Variants in SAMD3 observed in about 807,000 individuals in gnomAD.
SAMD3 encodes sterile alpha motif domain containing 3.
In SAMD3, 63 loss-of-function variants were observed where a neutral mutation model predicts 58.5. That is an observed-to-expected ratio of 1.08 (90% CI 0.88 to 1.33). The LOEUF (loss-of-function observed/expected upper bound fraction) is 1.33, where lower values mean the gene tolerates loss of function less well. SAMD3 is among the 40% of genes most tolerant of loss of function. The pLI is 0.00. For synonymous variants in SAMD3, 220 were observed against 210.3 expected, an observed-to-expected ratio of 1.05 and a Z score of -0.40; for missense variants, 604 against 608.4, an observed-to-expected ratio of 0.99 and a Z score of 0.08.
chr6:130,253,044 T>C (rs908010812), intron 2 of SAMD3, among the ~76,000 whole-genome samples: 2 of 152,232 alleles, frequency 1.3e-5, no homozygotes, highest in African/African-American at 4.8e-5. Flanking sequence ...TCCATGCCTC[T>C]GCAGGATTCT....
At chr6:130,307,787 C>T (rs148569817) in intron 2 of SAMD3, among the ~76,000 whole-genome samples, 60 of 152,242 alleles carry the variant, frequency 3.9e-4, no homozygotes, top group African/African-American at 1.4e-3. Flanking sequence ...TCATTATAAT[C>T]AATGTTTTTG....
intron 5 of SAMD3, among the ~76,000 whole-genome samples, chr6:130,186,807 G>T: frequency 8.3e-6 from 1 of 120,570 alleles, no homozygotes. Context: ...GTCTTGCTCT[G>T]TCACCCAGGC....
At chr6:130,232,688 C>T (rs73614582) in intron 2 of SAMD3, among the ~76,000 whole-genome samples, 2,866 of 152,034 alleles carry the variant, frequency 0.019, 78 homozygotes, top group African/African-American at 0.065. Flanking sequence ...TCCTCATCTG[C>T]GAAAAGAAAG....
chr6:130,166,934 T>C (rs1285101579), intron 8 of SAMD3, among the ~76,000 whole-genome samples: 1 of 152,212 alleles, frequency 6.6e-6, no homozygotes, highest in Non-Finnish European at 1.5e-5. Flanking sequence ...TAGCAAAGTC[T>C]TTCTGAAGAG....
intron 1 of SAMD3, among the ~76,000 whole-genome samples, chr6:130,322,220 G>T (rs560613978): frequency 5.3e-4 from 80 of 152,284 alleles, no homozygotes; most frequent in Non-Finnish European, 1.0e-3. Flanking sequence ...GGCGGAATCT[G>T]GTTCTTGGTT....
intron 2 of SAMD3, among the ~76,000 whole-genome samples, chr6:130,260,439 C>G (rs571177124): frequency 4.6e-5 from 7 of 152,214 alleles, no homozygotes; most frequent in Non-Finnish European, 1.5e-5. Context: ...TTGATCACGA[C>G]CCTCTCTCAC....
intron 8 of SAMD3, among the ~76,000 whole-genome samples, chr6:130,175,397 A>G (rs1791628622): frequency 6.6e-6 from 1 of 152,204 alleles, no homozygotes; most frequent in Non-Finnish European, 1.5e-5. Context: ...AGGGAAGGGA[A>G]GGCCACAATG....
intron 2 of SAMD3, among the ~76,000 whole-genome samples, chr6:130,268,445 G>A (rs1222993739): frequency 2.0e-5 from 3 of 152,040 alleles, no homozygotes; most frequent in African/African-American, 7.2e-5. Context: ...AAGTGTACAG[G>A]TTTATAAAAT....
chr6:130,209,654 A>T, intron 4 of SAMD3, 46 bp from the exon 5 acceptor site: 1 of 1,229,952 alleles, frequency 8.1e-7, no homozygotes, highest in African/African-American at 1.5e-5. Context: ...AGGTGATATG[A>T]CCATTGATCT....
intron 5 of SAMD3, among the ~76,000 whole-genome samples, chr6:130,196,060 C>G (rs904645790): frequency 6.6e-6 from 1 of 152,128 alleles, no homozygotes; most frequent in African/African-American, 2.4e-5. Context: ...TTACACACAG[C>G]TGAAGTGCAG....
intron 1 of SAMD3, among the ~76,000 whole-genome samples, chr6:130,354,259 A>G (rs1276607618): frequency 1.3e-5 from 2 of 152,244 alleles, no homozygotes; most frequent in African/African-American, 4.8e-5. Flanking sequence ...TGTGGAAAGA[A>G]GTGTGGTAAT....
chr6:130,326,482 G>A (rs1334005860), intron 1 of SAMD3, among the ~76,000 whole-genome samples: 1 of 144,630 alleles, frequency 6.9e-6, no homozygotes, highest in African/African-American at 2.6e-5. Context: ...CCTTTCTTTT[G>A]TCCTATTGTA....
intron 7 of SAMD3, among the ~76,000 whole-genome samples, chr6:130,181,032 C>T (rs1427466509): frequency 2.0e-5 from 3 of 147,362 alleles, no homozygotes; most frequent in African/African-American, 5.0e-5. Context: ...ACTGCAACCT[C>T]GGCCTCCCGG....
chr6:130,252,553 G>T (rs751403559), intron 2 of SAMD3, among the ~76,000 whole-genome samples: 3 of 152,160 alleles, frequency 2.0e-5, no homozygotes, highest in African/African-American at 7.2e-5. Flanking sequence ...TCTTGCCCTC[G>T]TCTGATTTAA....
chr6:130,170,195 C>T (rs996039305), intron 8 of SAMD3, among the ~76,000 whole-genome samples: 9 of 152,264 alleles, frequency 5.9e-5, no homozygotes, highest in African/African-American at 1.9e-4. Context: ...CTCTCCCTCC[C>T]CTTGTCCCCC....
chr6:130,197,708 C>T (rs1794272529), intron 5 of SAMD3, among the ~76,000 whole-genome samples: 1 of 152,172 alleles, frequency 6.6e-6, no homozygotes, highest in Non-Finnish European at 1.5e-5. Context: ...CTCGAAGCAG[C>T]CCTGAGAAAC....
chr6:130,287,910 A>T (rs555085614), intron 2 of SAMD3, among the ~76,000 whole-genome samples: 1 of 148,904 alleles, frequency 6.7e-6, no homozygotes, highest in East Asian at 2.0e-4. Context: ...ACGCCACTGC[A>T]CTCCAGCCTG....
intron 1 of SAMD3, among the ~76,000 whole-genome samples, chr6:130,356,605 C>A (rs1272443880): frequency 6.6e-6 from 1 of 152,182 alleles, no homozygotes; most frequent in African/African-American, 2.4e-5. Context: ...GTAGTAGGAA[C>A]ACATGAAAAG....
intron 8 of SAMD3, among the ~76,000 whole-genome samples, chr6:130,164,519 A>C (rs1790552435): frequency 6.6e-6 from 1 of 152,196 alleles, no homozygotes; most frequent in Non-Finnish European, 1.5e-5. Context: ...CAGCACAGGC[A>C]CAGGAGAATC....
Sources: allele counts gnomAD v4.1 joint callset (sites outside exome capture counted in the v4.1 genomes callset), GRCh38; gene constraint gnomAD v4.1.1; transcripts MANE v1.5; gene names NCBI Gene and HGNC (gene_info 2026-07-23, HGNC 2026-07-21).